DECR1: variants seen among roughly 807,000 people sequenced by gnomAD.
DECR1 encodes the protein 2,4-dienoyl-CoA reductase 1, also known as 2,4-dienoyl-CoA reductase [(3E)-enoyl-CoA-producing], mitochondrial.
A neutral mutation model predicts 38.8 loss-of-function variants in DECR1; 44 were observed. The ratio of observed to expected loss-of-function variants is 1.13; its 90% confidence interval spans 0.89 to 1.46. DECR1 has a LOEUF of 1.46. Ranked by LOEUF, DECR1 falls within the 40% of genes most tolerant of loss-of-function variation. The pLI is 0.00. For missense variants in DECR1, 428 were observed against 405.5 expected, an observed-to-expected ratio of 1.06 and a Z score of -0.48; for synonymous variants, 148 against 135.2, an observed-to-expected ratio of 1.09 and a Z score of -0.66.
At chr8:90,034,821 T>G (rs1417798351) in intron 5 of DECR1, among the ~76,000 whole-genome samples, 1 of 152,184 alleles carries the variant, frequency 6.6e-6, no homozygotes, top group African/African-American at 2.4e-5. Context: ...GCAGTATCAC[T>G]TTGTAATATA....
chr8:90,027,054 A>C (rs980844742), intron 5 of DECR1, among the ~76,000 whole-genome samples: 1 of 152,182 alleles, frequency 6.6e-6, no homozygotes, highest in Non-Finnish European at 1.5e-5. Flanking sequence ...CTTAAACCTG[A>C]GTTGTCGTTT....
At chr8:90,039,457 C>T (rs927992310) in intron 6 of DECR1, among the ~76,000 whole-genome samples, 4 of 152,176 alleles carry the variant, frequency 2.6e-5, no homozygotes, top group African/African-American at 7.2e-5. Context: ...AACTCACTCA[C>T]TATCATGAGA....
At chr8:90,020,424 G>C (rs1313784910) in intron 4 of DECR1, among the ~76,000 whole-genome samples, 1 of 152,034 alleles carries the variant, frequency 6.6e-6, no homozygotes, top group Non-Finnish European at 1.5e-5. Flanking sequence ...GTCTTGCTCT[G>C]TCACTCAGGT....
chr8:90,022,152 G>A (rs1200331072), intron 5 of DECR1, among the ~76,000 whole-genome samples: 1 of 152,116 alleles, frequency 6.6e-6, no homozygotes, highest in Non-Finnish European at 1.5e-5. Context: ...ATGAGGAAGC[G>A]TTCTCATGCT....
chr8:90,009,763 A>G (rs1812837999), intron 1 of DECR1, among the ~76,000 whole-genome samples: 1 of 152,220 alleles, frequency 6.6e-6, no homozygotes, highest in South Asian at 2.1e-4. Flanking sequence ...AGATGACTCA[A>G]ATCAGAGGCA....
In DECR1 at chr8:90,053,617, A is replaced by C. The variant is rs1402504737; in HGVS notation, c.*1720A>C. On this transcript the variant is annotated 3_prime_UTR_variant, in exon 10 of 10. Coordinates refer to ENST00000220764, the MANE Select transcript of DECR1 (RefSeq NM_001359.2). ...ATGTTTACATTTATATAACTTAATA[A>C]ATATTATTTTTTTCCAGTGTTGTCT... 1.3e-5 allele frequency among the ~76,000 whole-genome samples: 2 copies of C among 152,146 alleles called. No homozygotes were observed. The highest frequency in any genetic ancestry group is 4.8e-5 in the African/African-American group (2 of 41,408).
At chr8:90,005,461 T>C (rs1032483598) in intron 1 of DECR1, 1 of 455,994 alleles carries the variant, frequency 2.2e-6, no homozygotes, top group Non-Finnish European at 4.4e-6. Flanking sequence ...GAAAAATGAG[T>C]AAAGATGGAA....
chr8:90,030,856 G>A (rs1054412246), intron 5 of DECR1, among the ~76,000 whole-genome samples: 1 of 152,060 alleles, frequency 6.6e-6, no homozygotes, highest in Non-Finnish European at 1.5e-5. Flanking sequence ...TATTAAGGTG[G>A]TATTAGTATC....
chr8:90,006,410 G>A (rs569023735), intron 1 of DECR1: 1 of 671,208 alleles, frequency 1.5e-6, no homozygotes, highest in East Asian at 2.7e-5. Flanking sequence ...TGAAGGCCCA[G>A]CATAAAGGTT....
intron 5 of DECR1, among the ~76,000 whole-genome samples, chr8:90,026,318 C>T (rs1813336055): frequency 6.6e-6 from 1 of 152,096 alleles, no homozygotes; most frequent in Non-Finnish European, 1.5e-5. Context: ...CTCTTTGTAC[C>T]TCTGGTGGAA....
intron 5 of DECR1, among the ~76,000 whole-genome samples, chr8:90,030,763 G>A (rs539228930): frequency 6.6e-6 from 1 of 152,276 alleles, no homozygotes; most frequent in East Asian, 1.9e-4. Context: ...TTTATATTGT[G>A]TCCAGAGATT....
At chr8:90,021,235 T>C (rs182752015) in intron 5 of DECR1, among the ~76,000 whole-genome samples, 179 bp downstream of exon 5, 95 of 152,334 alleles carry the variant, frequency 6.2e-4, no homozygotes, top group African/African-American at 1.8e-3. Flanking sequence ...GTAATAAATA[T>C]ATGTTTCAAG....
intron 1 of DECR1, among the ~76,000 whole-genome samples, chr8:90,008,525 A>G (rs979947937): frequency 5.3e-5 from 8 of 152,216 alleles, no homozygotes; most frequent in African/African-American, 1.9e-4. Context: ...AGAGAGGTAG[A>G]AAAATCTCTC....
In DECR1 at chr8:90,044,850, G is replaced by A; in HGVS notation, c.740G>A (p.Gly247Asp). ...VIQPGPIKTK[G>D]AFSRLDPTGT... ...CTAATTGTTTTCTTAATTTCTAAGGGTGCCTTTAGCCGTCTGGACCCAACT... is the reference window on the plus strand; with the variant it reads ...CTAATTGTTTTCTTAATTTCTAAGGATGCCTTTAGCCGTCTGGACCCAACT... Residue 247 changes from glycine to aspartate, a missense_variant and splice_region_variant, in exon 8 of 10, where the codon GGT (glycine) becomes GAT (aspartate). Coordinates refer to ENST00000220764, the MANE Select transcript of DECR1 (RefSeq NM_001359.2). The A allele has an allele frequency of 6.2e-7, 1 of 1,605,100 alleles. No homozygotes were observed. The highest frequency in any genetic ancestry group is 1.1e-5 in the South Asian group (1 of 89,326).
At chr8:90,050,051 T>G (rs1215384223) in intron 8 of DECR1, among the ~76,000 whole-genome samples, 1 of 152,184 alleles carries the variant, frequency 6.6e-6, no homozygotes, top group Non-Finnish European at 1.5e-5. Flanking sequence ...GACTTAAATG[T>G]TAGACCTGAA....
At chr8:90,004,893 A>C (rs776504578) in intron 1 of DECR1, among the ~76,000 whole-genome samples, 5 of 152,254 alleles carry the variant, frequency 3.3e-5, no homozygotes, top group African/African-American at 4.8e-5. Context: ...CACAGTCAGA[A>C]AAATCTGAAA....
intron 5 of DECR1, among the ~76,000 whole-genome samples, chr8:90,028,848 A>C (rs1207449008): frequency 6.6e-6 from 1 of 151,804 alleles, no homozygotes; most frequent in Non-Finnish European, 1.5e-5. Context: ...TTATTAACTC[A>C]TTTAACACTT....
intron 5 of DECR1, among the ~76,000 whole-genome samples, chr8:90,035,412 G>C (rs1156266788): frequency 2.0e-5 from 3 of 151,668 alleles, no homozygotes; most frequent in African/African-American, 7.3e-5. Context: ...TTTCATTTTG[G>C]ATAGTTTATA....
chr8:90,046,343 A>G (rs1327797757), intron 8 of DECR1, among the ~76,000 whole-genome samples: 3 of 152,216 alleles, frequency 2.0e-5, no homozygotes, highest in African/African-American at 4.8e-5. Flanking sequence ...AGAAGACCCT[A>G]AATGACCTGA....
Sources: gnomAD v4.1 joint callset for allele counts (sites outside exome capture counted in the v4.1 genomes callset) on GRCh38, gnomAD v4.1.1 for gene constraint, MANE v1.5 for transcripts, NCBI Gene and HGNC (gene_info 2026-07-23, HGNC 2026-07-21) for gene names.